The following AGK variants were observed in gnomAD, a reference collection of about 807,000 sequenced individuals.
AGK encodes acylglycerol kinase, also known as acylglycerol kinase, mitochondrial.
AGK carries 52 observed loss-of-function variants against 66.4 expected under a neutral mutation model. The ratio of observed to expected loss-of-function variants is 0.78; its 90% confidence interval spans 0.63 to 0.99. The LOEUF (loss-of-function observed/expected upper bound fraction) is 0.99, where lower values mean the gene tolerates loss of function less well. Among genes scored for constraint, AGK ranks in the 50% least tolerant of loss-of-function variants. The pLI, the probability that AGK is intolerant of heterozygous loss-of-function variation, is 0.00. For missense variants in AGK, 451 were observed against 506.6 expected, an observed-to-expected ratio of 0.89 and a Z score of 1.05; for synonymous variants, 182 against 181.1, an observed-to-expected ratio of 1.00 and a Z score of -0.04.
rs1795193672 is a variant in AGK, at chr7:141,555,651, G to A, written c.101+84G>A. On this transcript the variant is annotated intron_variant, in intron 2 of 15. Transcript: ENST00000649286. This position sits in a 1 kb window ranked among gnomAD's most constrained non-coding sequence, Gnocchi z 4.2. ...CCTCAGGTTAAAATCTTGCTCAGCTGTGCTTATCCCTATAAAACATGTGGT... is the reference window on the plus strand; with the variant it reads ...CCTCAGGTTAAAATCTTGCTCAGCTATGCTTATCCCTATAAAACATGTGGT... 2 of 969,224 alleles carry A rather than the reference G, an allele frequency of 2.1e-6. No individual in the cohort carries two copies. Among genetic ancestry groups the A allele is most frequent in the African/African-American group, 3.3e-5 (2 of 60,784 alleles). 60.0% of individuals were successfully genotyped at this position (969,224 alleles called of 1,614,324 possible). A position where few individuals can be genotyped will look rare whatever the true frequency, so the allele number is the denominator to read the frequency against.
intron 2 of AGK, among the ~76,000 whole-genome samples, chr7:141,572,108 C>A (rs774293745): frequency 1.3e-5 from 2 of 152,122 alleles, no homozygotes; most frequent in Non-Finnish European, 2.9e-5. Context: ...GGGGGAAAAT[C>A]CAGCTGATGG....
intron 3 of AGK, among the ~76,000 whole-genome samples, chr7:141,596,016 G>T (rs562650433): frequency 1.4e-4 from 22 of 152,188 alleles, no homozygotes; most frequent in African/African-American, 5.3e-4. Flanking sequence ...AAAGGTGCTT[G>T]GTATATATTA....
At chr7:141,596,872 T>A in intron 4 of AGK, 1 of 510,026 alleles carries the variant, frequency 2.0e-6, no homozygotes, top group Non-Finnish European at 3.5e-6. Context: ...ATTCCATGAT[T>A]AACACCTACA....
At chr7:141,560,889 C>T (rs566910982) in intron 2 of AGK, among the ~76,000 whole-genome samples, 31 of 151,940 alleles carry the variant, frequency 2.0e-4, no homozygotes, top group African/African-American at 6.3e-4. Context: ...CTCCGCCTCC[C>T]GGCTTCATGC....
chr7:141,603,128 A>G (rs904734865), intron 5 of AGK, among the ~76,000 whole-genome samples: 3 of 152,186 alleles, frequency 2.0e-5, no homozygotes, highest in Admixed American at 6.5e-5. Context: ...TATATTCTAT[A>G]TATGTTCATT....
intron 2 of AGK, among the ~76,000 whole-genome samples, chr7:141,591,375 G>A (rs1190397552): frequency 6.6e-6 from 1 of 152,086 alleles, no homozygotes; most frequent in Non-Finnish European, 1.5e-5. Flanking sequence ...TTACAGGTGT[G>A]AGCCACTGTG....
In AGK at chr7:141,598,471, A is replaced by C. The variant is rs928013115; in HGVS notation, c.221+1830A>C. Among the ~76,000 whole-genome samples the C allele has an allele frequency of 6.6e-6, 1 of 152,188 alleles. No individual in the cohort carries two copies. The highest frequency in any genetic ancestry group is 6.5e-5 in the Admixed American group (1 of 15,280). ...TACTGTTTTGCCACTTACTAGCTCT[A>C]TGATATTGTGGGAGTTAATTCACTT... On this transcript the variant is annotated intron_variant, in intron 4 of 15. Coordinates refer to ENST00000649286, the MANE Select transcript of AGK (RefSeq NM_018238.4). This position sits in a 1 kb window ranked among gnomAD's most constrained non-coding sequence, Gnocchi z 4.2.
intron 2 of AGK, among the ~76,000 whole-genome samples, chr7:141,591,557 T>A (rs1035133320): frequency 1.3e-5 from 2 of 152,190 alleles, no homozygotes; most frequent in Admixed American, 6.5e-5. Context: ...AAAGCAAAGC[T>A]TGCTTATTGT....
intron 2 of AGK, among the ~76,000 whole-genome samples, chr7:141,561,066 T>C (rs1405562674): frequency 6.6e-6 from 1 of 152,224 alleles, no homozygotes; most frequent in East Asian, 1.9e-4. Flanking sequence ...ATGCTGGGAT[T>C]ACAGGCGTGA....
Position 141,655,111 on chromosome 7 carries a change from G to GAT in AGK, c.*2189_*2190dup, listed in dbSNP as rs777394931. The GAT allele has an allele frequency of 1.3e-5, 2 of 152,196 alleles. No homozygotes were observed. Among genetic ancestry groups the GAT allele is most frequent in the Non-Finnish European group, 2.9e-5 (2 of 68,040 alleles). 9.4% of individuals were successfully genotyped at this position (152,196 alleles called of 1,614,324 possible). A position where few individuals can be genotyped will look rare whatever the true frequency, so the allele number is the denominator to read the frequency against. On this transcript the variant is annotated 3_prime_UTR_variant, in exon 16 of 16. Coordinates refer to ENST00000649286, the MANE Select transcript of AGK (RefSeq NM_018238.4). ...AGTGCAGAATCTGGCTTTCTTTTCTGATAGGCTACCAGTGTGTGTTTATGT... is the reference window on the plus strand; with the variant it reads ...AGTGCAGAATCTGGCTTTCTTTTCTGATATAGGCTACCAGTGTGTGTTTATGT...
chr7:141,580,737 G>A (rs1329442042), intron 2 of AGK, among the ~76,000 whole-genome samples: 4 of 152,040 alleles, frequency 2.6e-5, no homozygotes, highest in Admixed American at 2.0e-4. Flanking sequence ...AAAACAGTAA[G>A]GTCAAGTTGT....
At chr7:141,637,430 G>A (rs116309647) in intron 11 of AGK, among the ~76,000 whole-genome samples, 1,882 of 152,190 alleles carry the variant, frequency 0.012, 39 homozygotes, top group African/African-American at 0.044. Context: ...TGTATCAGTA[G>A]GTTTCAAACT....
At chr7:141,624,194 T>A (rs370331854) in intron 9 of AGK, among the ~76,000 whole-genome samples, 53 of 152,242 alleles carry the variant, frequency 3.5e-4, no homozygotes, top group African/African-American at 1.3e-3. Context: ...TCATCCTGCA[T>A]CCCATGGATC....
chr7:141,621,716 T>G lies in AGK; in HGVS notation c.519-16T>G. On this transcript the variant is annotated splice_polypyrimidine_tract_variant and intron_variant, in intron 8 of 15. Transcript: ENST00000649286. ...GCCTATTTTTCATAATATGATCATT[T>G]CCTTTTCTCTTTTAGACATATTACT... 6.2e-7 allele frequency: 1 copy of G among 1,600,836 alleles called. No homozygotes were observed. Among genetic ancestry groups the G allele is most frequent in the Non-Finnish European group, 8.6e-7 (1 of 1,168,548 alleles).
At chr7:141,630,702 T>G (rs111911714) in intron 9 of AGK, among the ~76,000 whole-genome samples, 47 of 152,334 alleles carry the variant, frequency 3.1e-4, no homozygotes, top group African/African-American at 9.4e-4. Context: ...CTATTATACT[T>G]ACTTAGCAAT....
intron 13 of AGK, among the ~76,000 whole-genome samples, chr7:141,643,940 A>G (rs1366606595): frequency 6.6e-6 from 1 of 152,188 alleles, no homozygotes; most frequent in African/African-American, 2.4e-5. Context: ...TAGTATACAT[A>G]AAGTGTCTAA....
chr7:141,558,772 C>T (rs575576595), intron 2 of AGK, among the ~76,000 whole-genome samples: 8 of 152,314 alleles, frequency 5.3e-5, no homozygotes, highest in East Asian at 3.9e-4. Context: ...AGTTTCTCCA[C>T]GCCCTCATCA....
At chr7:141,609,604 A>G (rs150063220) in intron 5 of AGK, among the ~76,000 whole-genome samples, 1 of 151,858 alleles carries the variant, frequency 6.6e-6, no homozygotes, top group Admixed American at 6.6e-5. Flanking sequence ...AGCTCCTCAC[A>G]CTCCATTGCT....
At chr7:141,591,646 G>A (rs983833853) in intron 2 of AGK, among the ~76,000 whole-genome samples, 3 of 152,052 alleles carry the variant, frequency 2.0e-5, no homozygotes, top group African/African-American at 7.2e-5. Flanking sequence ...AAAATTTAAA[G>A]TTTTCAATGT....
Sources: gnomAD v4.1 joint callset for allele counts (sites outside exome capture counted in the v4.1 genomes callset) on GRCh38, gnomAD v4.1.1 for gene constraint, Gnocchi (gnomAD v3.1) non-coding constraint, MANE v1.5 for transcripts, NCBI Gene and HGNC (gene_info 2026-07-23, HGNC 2026-07-21) for gene names.